LRBA: variants seen among roughly 807,000 people sequenced by gnomAD.
LRBA encodes LPS responsive beige-like anchor protein.
A neutral mutation model predicts 330.0 loss-of-function variants in LRBA; 176 were observed. That is an observed-to-expected ratio of 0.53 (90% CI 0.47 to 0.60). The LOEUF is 0.60. Among genes scored for constraint, LRBA ranks in the 20% least tolerant of loss-of-function variants. The probability of loss-of-function intolerance (pLI) is 0.00; values close to 1 mark genes in which losing one functional copy is unlikely to be tolerated. For synonymous variants in LRBA, 1,230 were observed against 1,193.0 expected, an observed-to-expected ratio of 1.03 and a Z score of -0.64; for missense variants, 3,259 against 3,444.8, an observed-to-expected ratio of 0.95 and a Z score of 1.35.
chr4:150,562,298 T>C (rs57452017), intron 40 of LRBA, among the ~76,000 whole-genome samples: 28,929 of 152,138 alleles, frequency 0.19, 3,419 homozygotes, highest in Non-Finnish European at 0.26. Context: ...CTCCCTCTAT[T>C]TGCAATAAGC....
At chr4:150,610,663 T>C (rs1775161611) in intron 37 of LRBA, among the ~76,000 whole-genome samples, 1 of 152,056 alleles carries the variant, frequency 6.6e-6, no homozygotes. Flanking sequence ...TTAGGACTGA[T>C]TTGGTTGGCA....
intron 47 of LRBA, among the ~76,000 whole-genome samples, chr4:150,401,118 T>C (rs952538022): frequency 6.6e-6 from 1 of 152,306 alleles, no homozygotes; most frequent in South Asian, 2.1e-4. Flanking sequence ...GAACACCTTG[T>C]GAAGACCGAG....
intron 47 of LRBA, among the ~76,000 whole-genome samples, chr4:150,365,472 C>A (rs1310593400): frequency 6.6e-6 from 1 of 152,062 alleles, no homozygotes; most frequent in East Asian, 1.9e-4. Flanking sequence ...AATTTCTAAA[C>A]GTCCATGACA....
intron 41 of LRBA, among the ~76,000 whole-genome samples, chr4:150,489,906 A>G (rs1758688979): frequency 6.6e-6 from 1 of 150,566 alleles, no homozygotes; most frequent in Admixed American, 6.7e-5. Flanking sequence ...CACGAGGCAA[A>G]GGCAACAGAA....
rs963365800 is a variant in LRBA, at chr4:150,977,776, G to A, written c.216+36651C>T. ...AGTAACCTGGCAGTATTCCCCATGGGTCTGTGGTGGTGGTGGCTAGTGGGA... is the reference window on the plus strand; with the variant it reads ...AGTAACCTGGCAGTATTCCCCATGGATCTGTGGTGGTGGTGGCTAGTGGGA... On this transcript the variant is annotated intron_variant, in intron 2 of 56. Coordinates refer to ENST00000651943, the MANE Select transcript of LRBA (RefSeq NM_001364905.1). Among the ~76,000 whole-genome samples the A allele has an allele frequency of 2.0e-5, 3 of 152,368 alleles. No homozygotes were observed. The South Asian group carries it at 6.2e-4, about 32-fold the overall frequency.
At chr4:150,796,638 C>T (rs1186148501) in intron 34 of LRBA, among the ~76,000 whole-genome samples, 1 of 151,820 alleles carries the variant, frequency 6.6e-6, no homozygotes, top group Non-Finnish European at 1.5e-5. Flanking sequence ...CTTTGCAGCT[C>T]CTAACATTAA....
intron 46 of LRBA, among the ~76,000 whole-genome samples, chr4:150,418,936 C>T (rs1365549038): frequency 6.6e-6 from 1 of 151,988 alleles, no homozygotes; most frequent in Non-Finnish European, 1.5e-5. Context: ...AGTAGGGAAG[C>T]AAGTTCTCAA....
chr4:150,479,251 C>T (rs1757042593), intron 42 of LRBA, among the ~76,000 whole-genome samples: 1 of 152,018 alleles, frequency 6.6e-6, no homozygotes, highest in Non-Finnish European at 1.5e-5. Context: ...AGCACTCCAG[C>T]CTGGGTGACA....
chr4:150,653,876 A>T (rs966028057), intron 37 of LRBA, among the ~76,000 whole-genome samples: 7 of 152,186 alleles, frequency 4.6e-5, no homozygotes, highest in Non-Finnish European at 7.3e-5. Context: ...TTTTTCATAA[A>T]TACATTGAAA....
At chr4:150,685,810 T>C (rs971763134) in intron 36 of LRBA, among the ~76,000 whole-genome samples, 7 of 151,994 alleles carry the variant, frequency 4.6e-5, no homozygotes, top group Admixed American at 3.3e-4. Flanking sequence ...AGAGGAATTT[T>C]AGAAGTTAGT....
chr4:150,988,371 G>A (rs1741686233), intron 2 of LRBA, among the ~76,000 whole-genome samples: 7 of 152,004 alleles, frequency 4.6e-5, no homozygotes, highest in Admixed American at 4.6e-4. Context: ...GTTCCCCAAA[G>A]TTTTGTAACC....
chr4:150,849,349 T>C, intron 25 of LRBA, 73 bp downstream of exon 25: 1 of 1,366,108 alleles, frequency 7.3e-7, no homozygotes, highest in Non-Finnish European at 1.0e-6. Flanking sequence ...ACCACCACAT[T>C]TAAGTTTTAG....
At chr4:150,803,928 T>G (rs945428920) in intron 33 of LRBA, among the ~76,000 whole-genome samples, 3 of 152,180 alleles carry the variant, frequency 2.0e-5, no homozygotes, top group Non-Finnish European at 4.4e-5. Context: ...AACATGATCC[T>G]ATCTTGTTAT....
intron 44 of LRBA, among the ~76,000 whole-genome samples, chr4:150,452,145 T>A (rs1202895488): frequency 6.6e-6 from 1 of 152,152 alleles, no homozygotes; most frequent in Non-Finnish European, 1.5e-5. Flanking sequence ...GGAACATATA[T>A]GCAAAAAGTC....
intron 2 of LRBA, among the ~76,000 whole-genome samples, chr4:150,998,244 T>G (rs1476598372): frequency 1.3e-5 from 2 of 151,246 alleles, no homozygotes; most frequent in Non-Finnish European, 2.9e-5. Flanking sequence ...TCCCAGCTAC[T>G]TGGGAGGCTG....
intron 46 of LRBA, among the ~76,000 whole-genome samples, chr4:150,427,803 GAA>G (rs1266866351): frequency 3.3e-5 from 5 of 151,860 alleles, no homozygotes; most frequent in Non-Finnish European, 5.9e-5. Context: ...AATACATTAA[GAA>G]ATACATTGCC....
At chr4:150,972,243 A>C (rs1371523012) in intron 2 of LRBA, among the ~76,000 whole-genome samples, 1 of 152,176 alleles carries the variant, frequency 6.6e-6, no homozygotes, top group East Asian at 1.9e-4. Context: ...CAAGGGTTTT[A>C]AACAAACAGA....
chr4:150,276,035 C>A (rs974235099), intron 56 of LRBA, among the ~76,000 whole-genome samples: 1 of 152,154 alleles, frequency 6.6e-6, no homozygotes, highest in Admixed American at 6.5e-5. Flanking sequence ...TCAAACTATA[C>A]TACAAGGCTA....
intron 28 of LRBA, among the ~76,000 whole-genome samples, chr4:150,837,367 G>A (rs1168735042): frequency 1.3e-5 from 2 of 152,108 alleles, no homozygotes; most frequent in Non-Finnish European, 2.9e-5. Context: ...CTTCTGTCTC[G>A]TTGATCTGTC....
Sources: gnomAD v4.1 joint callset for allele counts (sites outside exome capture counted in the v4.1 genomes callset) on GRCh38, gnomAD v4.1.1 for gene constraint, MANE v1.5 for transcripts, NCBI Gene and HGNC (gene_info 2026-07-23, HGNC 2026-07-21) for gene names.